The following GLIS3 variants were observed in gnomAD, a reference collection of about 807,000 sequenced individuals.
GLIS3 encodes the protein GLIS family zinc finger 3, also known as zinc finger protein GLIS3.
In GLIS3, 53 loss-of-function variants were observed where a neutral mutation model predicts 78.6. That is an observed-to-expected ratio of 0.67 (90% confidence interval 0.54 to 0.85). GLIS3 has a LOEUF of 0.85. Ranked by LOEUF, GLIS3 falls within the 40% of genes least tolerant of loss-of-function variation. The pLI, the probability that GLIS3 is intolerant of heterozygous loss-of-function variation, is 0.00. For synonymous variants in GLIS3, 684 were observed against 509.9 expected, an observed-to-expected ratio of 1.34 and a Z score of -4.60; for missense variants, 1,703 against 1,231.1, an observed-to-expected ratio of 1.38 and a Z score of -5.74.
intron 2 of GLIS3, among the ~76,000 whole-genome samples, chr9:4,274,948 T>G (rs1339230796): frequency 6.6e-6 from 1 of 152,234 alleles, no homozygotes; most frequent in Non-Finnish European, 1.5e-5. Flanking sequence ...GTGTTTATTA[T>G]GTCAGATCCA....
At chr9:4,471,556 T>C in the GLIS3 span, among the ~76,000 whole-genome samples, 8 of 152,190 alleles carry the variant, frequency 5.3e-5, no homozygotes, top group Non-Finnish European at 1.2e-4. Flanking sequence ...TAGCCGTATA[T>C]AGAAAGCTGA....
intron 2 of GLIS3, among the ~76,000 whole-genome samples, chr9:4,342,625 T>A (rs1267517915): frequency 6.6e-6 from 1 of 152,250 alleles, no homozygotes; most frequent in Non-Finnish European, 1.5e-5. Flanking sequence ...CTTTTCTAAT[T>A]CTGTGAAGAA....
At chr9:4,273,948 T>C (rs1381838683) in intron 2 of GLIS3, among the ~76,000 whole-genome samples, 2 of 152,192 alleles carry the variant, frequency 1.3e-5, no homozygotes, top group African/African-American at 2.4e-5. Flanking sequence ...ATGTGCAGCT[T>C]TGTTCATCAG....
intron 4 of GLIS3, among the ~76,000 whole-genome samples, chr9:4,015,644 T>C (rs1286134519): frequency 6.6e-6 from 1 of 152,078 alleles, no homozygotes; most frequent in African/African-American, 2.4e-5. Context: ...TCCCAGCACT[T>C]TGGGAGGCTG....
chr9:4,416,252 T>TAAAAA, the GLIS3 span, among the ~76,000 whole-genome samples: 1 of 75,838 alleles, frequency 1.3e-5, no homozygotes, highest in Non-Finnish European at 2.4e-5. Context: ...ACACTGTTTT[T>TAAAAA]AAAAAAAAAA....
At chr9:4,085,978 G>A (rs1447432178) in intron 4 of GLIS3, among the ~76,000 whole-genome samples, 2 of 152,106 alleles carry the variant, frequency 1.3e-5, no homozygotes. Context: ...CGCAAGAATG[G>A]CCTAATACAA....
chr9:4,483,635 A>T, the GLIS3 span, among the ~76,000 whole-genome samples: 2,782 of 151,254 alleles, frequency 0.018, 93 homozygotes, highest in African/African-American at 0.065. Flanking sequence ...CAGGAGAATC[A>T]CTTGAACCTG....
chr9:4,415,318 G>T, the GLIS3 span, among the ~76,000 whole-genome samples: 1 of 152,170 alleles, frequency 6.6e-6, no homozygotes, highest in Non-Finnish European at 1.5e-5. Flanking sequence ...AGTCCTGGCA[G>T]GGTAAATACA....
At chr9:3,920,089 C>T (rs1223226876) in intron 6 of GLIS3, among the ~76,000 whole-genome samples, 1 of 150,948 alleles carries the variant, frequency 6.6e-6, no homozygotes, top group African/African-American at 2.4e-5. Context: ...CTGCAAGCTC[C>T]GCCTCCTGGG....
In GLIS3 at chr9:4,274,115, G is replaced by A. The variant is rs530807828; in HGVS notation, c.388+11923C>T. On this transcript the variant is annotated intron_variant, in intron 2 of 10. Transcript: ENST00000381971. Reference sequence around the variant, plus strand: ...CCAGATGAGGAAACTGAGGCAGGAGGCCTGGTGGCTTGAAAAGGTCACCAT... The same window carrying A: ...CCAGATGAGGAAACTGAGGCAGGAGACCTGGTGGCTTGAAAAGGTCACCAT... Among the ~76,000 whole-genome samples, 4 of 152,292 alleles carry A rather than the reference G, an allele frequency of 2.6e-5. No individual in the cohort carries two copies. In the East Asian group the frequency reaches 5.8e-4, roughly 22 times the overall value.
chr9:4,379,863 A>T, the GLIS3 span, among the ~76,000 whole-genome samples: 1 of 152,232 alleles, frequency 6.6e-6, no homozygotes, highest in African/African-American at 2.4e-5. Flanking sequence ...ATTATATTGC[A>T]AAGAATAGGA....
At chr9:4,345,800 T>A (rs1410372303) in intron 2 of GLIS3, among the ~76,000 whole-genome samples, 3 of 152,170 alleles carry the variant, frequency 2.0e-5, no homozygotes, top group African/African-American at 7.2e-5. Context: ...TGAAAGTGAT[T>A]GCGTCTGGGG....
chr9:4,262,999 C>A (rs1825666027), intron 2 of GLIS3, among the ~76,000 whole-genome samples: 1 of 151,494 alleles, frequency 6.6e-6, no homozygotes, highest in African/African-American at 2.4e-5. Context: ...CCCCAGGGTG[C>A]CTTCAGAGAA....
chr9:4,271,285 C>T (rs1380925175), intron 2 of GLIS3, among the ~76,000 whole-genome samples: 1 of 152,158 alleles, frequency 6.6e-6, no homozygotes, highest in Non-Finnish European at 1.5e-5. Context: ...TGTTAATCAA[C>T]TATGTTATCA....
intron 4 of GLIS3, among the ~76,000 whole-genome samples, chr9:3,953,789 C>CTA (rs1554656493): frequency 5.7e-3 from 258 of 45,302 alleles, no homozygotes; most frequent in Non-Finnish European, 9.1e-3. Context: ...CTCTCTCTCT[C>CTA]TCTCTCTATA....
intron 2 of GLIS3, among the ~76,000 whole-genome samples, chr9:4,239,801 A>G (rs1357994985): frequency 1.3e-5 from 2 of 152,234 alleles, no homozygotes; most frequent in African/African-American, 4.8e-5. Context: ...TGCAGTAGAT[A>G]AAAGAACTGT....
chr9:4,394,769 C>T, the GLIS3 span, among the ~76,000 whole-genome samples: 1 of 152,132 alleles, frequency 6.6e-6, no homozygotes, highest in Admixed American at 6.5e-5. Flanking sequence ...ATTTTCCATT[C>T]TCTTCACCAC....
chr9:4,321,461 A>T (rs866808154), intron 2 of GLIS3, among the ~76,000 whole-genome samples: 30 of 141,006 alleles, frequency 2.1e-4, no homozygotes, highest in African/African-American at 8.1e-4. Flanking sequence ...AAAAAAAAAA[A>T]AATCAGGTGC....
At position 4,321,365 on chromosome 9, in the gene GLIS3, G is replaced by A. The variant is rs371102973; in HGVS notation, n.265-10837C>T. Among the ~76,000 whole-genome samples the A allele has an allele frequency of 1.7e-5, 2 of 118,664 alleles. 1 individual carries two copies. The highest frequency in any genetic ancestry group is 8.4e-5 in the African/African-American group (2 of 23,730). The allele number at this position is 118,664 out of a possible 152,430, so 77.8% of individuals were successfully genotyped here. On this transcript the variant is annotated intron_variant and non_coding_transcript_variant, in intron 2 of 4. Transcript: ENST00000471664. ...TGAACCCAGGAGGCGGAGCTTGCAG[G>A]GAGCCGAGATGGCGCCACTGCACTC...
Sources: gnomAD v4.1 joint callset for allele counts (sites outside exome capture counted in the v4.1 genomes callset) on GRCh38, gnomAD v4.1.1 for gene constraint, MANE v1.5 for transcripts, NCBI Gene and HGNC (gene_info 2026-07-23, HGNC 2026-07-21) for gene names.